Variants in HIVEP3 observed in about 807,000 individuals in gnomAD.
The protein encoded by HIVEP3 is transcription factor HIVEP3.
HIVEP3 carries 49 observed loss-of-function variants against 152.8 expected under a neutral mutation model. That is an observed-to-expected ratio of 0.32 (90% CI 0.26 to 0.41). The LOEUF (loss-of-function observed/expected upper bound fraction) is 0.41. Ranked by LOEUF, HIVEP3 falls within the 10% of genes least tolerant of loss-of-function variation. The pLI is 1.00. For missense variants in HIVEP3, 2,790 were observed against 3,103.3 expected (o/e 0.90, Z 2.40); for synonymous variants, 1,269 against 1,289.0 (o/e 0.98, Z 0.33).
In HIVEP3 at chr1:41,689,881, C is replaced by T. The variant is rs1006041785; in HGVS notation, c.-721+11035G>A. On this transcript the variant is annotated intron_variant, in intron 2 of 8. Coordinates refer to ENST00000372583, the MANE Select transcript of HIVEP3 (RefSeq NM_024503.5). The stretch of plus-strand genomic sequence containing the variant: ...GAAACAACACCCTGGCTAATGTTGG[C>T]CTTGCAGCCTGTCGGCTCCGCCTCC... 4.6e-5 allele frequency among the ~76,000 whole-genome samples: 7 copies of T among 152,354 alleles called. No homozygotes were observed. In the East Asian group the frequency reaches 9.6e-4, roughly 21 times the overall value.
intron 3 of HIVEP3, among the ~76,000 whole-genome samples, chr1:41,619,110 C>A (rs1645009788): frequency 6.6e-6 from 1 of 152,068 alleles, no homozygotes; most frequent in African/African-American, 2.4e-5. Context: ...GCCTGCCTCT[C>A]CCTTCCAGCC....
chr1:41,621,785 T>C (rs1645050875), intron 3 of HIVEP3, among the ~76,000 whole-genome samples: 1 of 152,200 alleles, frequency 6.6e-6, no homozygotes, highest in African/African-American at 2.4e-5. Flanking sequence ...CCCAAGTAGC[T>C]GGGATTACAG....
intron 2 of HIVEP3, among the ~76,000 whole-genome samples, chr1:41,678,252 C>A (rs1176889673): frequency 6.6e-6 from 1 of 152,176 alleles, no homozygotes; most frequent in Admixed American, 6.5e-5. Flanking sequence ...TGCTCCGCTC[C>A]AGAGAGAGGC....
At chr1:41,797,906 G>C (rs1650073052) in intron 1 of HIVEP3, among the ~76,000 whole-genome samples, 1 of 152,038 alleles carries the variant, frequency 6.6e-6, no homozygotes, top group African/African-American at 2.4e-5. Flanking sequence ...CTTGAACTCA[G>C]GTGGCAGAGG....
At chr1:41,948,662 C>G (rs1239663473) in intron 1 of HIVEP3, among the ~76,000 whole-genome samples, 1 of 152,080 alleles carries the variant, frequency 6.6e-6, no homozygotes, top group Non-Finnish European at 1.5e-5. Context: ...GAGAACCTCA[C>G]GAGGACATAG....
At chr1:41,744,275 G>A (rs1647038574) in intron 1 of HIVEP3, among the ~76,000 whole-genome samples, 1 of 152,246 alleles carries the variant, frequency 6.6e-6, no homozygotes, top group South Asian at 2.1e-4. Flanking sequence ...TCCTGACCTC[G>A]TGATCCACCC....
In HIVEP3 at chr1:41,584,710, T is replaced by G; in HGVS notation, c.88A>C (p.Ser30Arg). ...RLTKGEAIQT[S>R]VSSSVPYPGS... Reference sequence around the variant, plus strand: ...GGGTATGGGACGCTGGAAGAAACACTGGTCTGAATGGCCTCTCCTTTGGTC... The same window carrying G: ...GGGTATGGGACGCTGGAAGAAACACGGGTCTGAATGGCCTCTCCTTTGGTC... Residue 30 changes from serine (S) to arginine (R), a missense_variant, in exon 4 of 9, where the codon AGT becomes CGT. Around this residue, in one of 9 missense-constraint regions of HIVEP3, gnomAD observed 209 missense variants for 237.0 expected, o/e 0.88. Coordinates refer to ENST00000372583, the MANE Select transcript of HIVEP3 (RefSeq NM_024503.5). This position sits in a 1 kb window ranked among gnomAD's most constrained non-coding sequence, Gnocchi z 5.2. 6.4e-7 allele frequency: 1 copy of G among 1,551,116 alleles called. No homozygotes were observed. The highest frequency in any genetic ancestry group is 8.7e-7 in the Non-Finnish European group (1 of 1,151,736).
chr1:41,697,286 G>A (rs1292511762), intron 2 of HIVEP3, among the ~76,000 whole-genome samples: 1 of 152,160 alleles, frequency 6.6e-6, no homozygotes, highest in Non-Finnish European at 1.5e-5. Context: ...TCCACCCACA[G>A]CGCACTGAGC....
chr1:41,778,621 C>T (rs1648857148), intron 1 of HIVEP3, among the ~76,000 whole-genome samples: 1 of 152,208 alleles, frequency 6.6e-6, no homozygotes, highest in Non-Finnish European at 1.5e-5. Context: ...TCGCTTCATT[C>T]ATTTATTCCC....
chr1:41,673,339 T>A (rs1277452891), intron 2 of HIVEP3, among the ~76,000 whole-genome samples: 1 of 152,242 alleles, frequency 6.6e-6, no homozygotes, highest in South Asian at 2.1e-4. Flanking sequence ...AAGTACTTTA[T>A]AGAGAAGATG....
chr1:41,536,211 A>T (rs907235956), intron 5 of HIVEP3, among the ~76,000 whole-genome samples: 6 of 152,146 alleles, frequency 3.9e-5, no homozygotes, highest in Non-Finnish European at 7.3e-5. Flanking sequence ...CGTCACTAGC[A>T]CTGTCCACCT....
intron 1 of HIVEP3, among the ~76,000 whole-genome samples, chr1:41,840,333 A>G (rs1643251276): frequency 6.6e-6 from 1 of 152,214 alleles, no homozygotes; most frequent in Non-Finnish European, 1.5e-5. Flanking sequence ...GAGGAGAGAC[A>G]CATGCATGGA....
chr1:41,977,587 G>A (rs1178785544), intron 1 of HIVEP3, among the ~76,000 whole-genome samples: 1 of 152,200 alleles, frequency 6.6e-6, no homozygotes, highest in Non-Finnish European at 1.5e-5. Context: ...AGAGGACTAG[G>A]AAGTTCAGAA....
At chr1:41,587,157 G>A (rs969949474) in intron 3 of HIVEP3, among the ~76,000 whole-genome samples, 6 of 152,190 alleles carry the variant, frequency 3.9e-5, no homozygotes, top group Non-Finnish European at 5.9e-5. Context: ...CAGGAGCAGT[G>A]AATGATGCAG....
chr1:41,605,367 G>A (rs1376741019), intron 3 of HIVEP3, among the ~76,000 whole-genome samples: 9 of 111,780 alleles, frequency 8.1e-5, no homozygotes, highest in South Asian at 3.0e-4. Context: ...ATACACACAC[G>A]CACACGCGCA....
At position 41,533,011 on chromosome 1, in the gene HIVEP3, C is replaced by A. The variant is rs1643306101; in HGVS notation, c.5208-8101G>T. Among the ~76,000 whole-genome samples the A allele has an allele frequency of 6.6e-6, 1 of 152,054 alleles. No homozygotes were observed. Among genetic ancestry groups the A allele is most frequent in the East Asian group, 1.9e-4 (1 of 5,176 alleles). On this transcript the variant is annotated intron_variant, in intron 5 of 8. Coordinates refer to ENST00000372583, the MANE Select transcript of HIVEP3 (RefSeq NM_024503.5). The surrounding 1 kb of genome is among the most constrained non-coding windows in gnomAD (Gnocchi z 4.3). ...AACTGGGAGAGAACTGTGGCTTAGC[C>A]AAGAGGAGAGGGTTTAGAGGAGGAG... is the stretch of plus-strand genomic sequence containing the variant.
chr1:41,876,843 A>G (rs1644178252), intron 1 of HIVEP3, among the ~76,000 whole-genome samples: 1 of 152,194 alleles, frequency 6.6e-6, no homozygotes, highest in Non-Finnish European at 1.5e-5. Flanking sequence ...CTACTTTCTA[A>G]CTGGGTTTTT....
At chr1:41,881,532 A>C (rs1417758464) in intron 1 of HIVEP3, among the ~76,000 whole-genome samples, 3 of 152,232 alleles carry the variant, frequency 2.0e-5, no homozygotes, top group Non-Finnish European at 2.9e-5. Flanking sequence ...ATCAGTTCCA[A>C]ATACTCAATT....
rs766899618 is a variant in HIVEP3, at chr1:41,582,763, T to C, written c.2035A>G (p.Thr679Ala). The C allele has an allele frequency of 2.5e-6, 4 of 1,614,202 alleles. No individual in the cohort carries two copies. The South Asian group carries it at 3.3e-5, about 13-fold the overall frequency. Residue 679 changes from threonine (T) to alanine (A), a missense_variant, in exon 4 of 9, where the codon ACC becomes GCC. Around this residue, in one of 9 missense-constraint regions of HIVEP3, gnomAD observed 339 missense variants for 327.0 expected, o/e 1.04. Coordinates refer to ENST00000372583, the MANE Select transcript of HIVEP3 (RefSeq NM_024503.5). The surrounding 1 kb of genome is among the most constrained non-coding windows in gnomAD (Gnocchi z 4.7). ...LQIAKPISAG[T>A]HTSPEAEKSQ... ...TTTTCAGCTTCTGGAGATGTGTGGG[T>C]GCCTGCAGAGATGGGCTTTGCGATC...
Sources: allele counts gnomAD v4.1 joint callset (sites outside exome capture counted in the v4.1 genomes callset), GRCh38; gene constraint gnomAD v4.1.1; regional missense constraint gnomAD v4.1.1; non-coding constraint Gnocchi (gnomAD v3.1); transcripts MANE v1.5; gene names NCBI Gene and HGNC (gene_info 2026-07-23, HGNC 2026-07-21).